DARS1: variants seen among roughly 807,000 people sequenced by gnomAD.
DARS1 encodes aspartate--tRNA ligase, cytoplasmic.
Under a neutral mutation model 68.8 loss-of-function variants are expected in DARS1, and 51 were observed. That is an observed-to-expected ratio of 0.74 (90% confidence interval 0.59 to 0.94). The LOEUF (loss-of-function observed/expected upper bound fraction) is 0.94, where lower values mean the gene tolerates loss of function less well. Among genes scored for constraint, DARS1 ranks in the 40% least tolerant of loss-of-function variants. DARS1 has a pLI of 0.00. For missense variants in DARS1, 607 were observed against 597.3 expected (o/e 1.02, Z -0.17); for synonymous variants, 203 against 190.4 (o/e 1.07, Z -0.55).
At chr2:135,928,831 G>T (rs1309362318) in intron 7 of DARS1, among the ~76,000 whole-genome samples, 1 of 151,822 alleles carries the variant, frequency 6.6e-6, no homozygotes, top group Non-Finnish European at 1.5e-5. Flanking sequence ...TAAAGACGGG[G>T]TTTCACCATG....
chr2:135,920,967 C>A (rs949632550), intron 9 of DARS1, among the ~76,000 whole-genome samples: 2 of 151,472 alleles, frequency 1.3e-5, no homozygotes, highest in African/African-American at 4.8e-5. Context: ...TGAAACTCTA[C>A]CAATAAAGTA....
intron 3 of DARS1, among the ~76,000 whole-genome samples, chr2:135,976,528 A>G (rs1400626239): frequency 6.6e-6 from 1 of 152,148 alleles, no homozygotes; most frequent in Non-Finnish European, 1.5e-5. Flanking sequence ...ATCATCAATA[A>G]AGTCCTTACA....
chr2:135,959,100 G>A (rs1682041152), intron 4 of DARS1, among the ~76,000 whole-genome samples: 1 of 151,804 alleles, frequency 6.6e-6, no homozygotes. Flanking sequence ...CTAAAAGAAA[G>A]ATCACCCATG....
At chr2:135,928,132 C>T (rs148791255) in intron 7 of DARS1, among the ~76,000 whole-genome samples, 16 of 152,244 alleles carry the variant, frequency 1.1e-4, no homozygotes, top group Middle Eastern at 3.4e-3. Context: ...AAATTACTTC[C>T]ATGTTGTATT....
At chr2:135,976,277 A>G (rs1176262267) in intron 3 of DARS1, among the ~76,000 whole-genome samples, 1 of 152,148 alleles carries the variant, frequency 6.6e-6, no homozygotes, top group Non-Finnish European at 1.5e-5. Context: ...TTTCTGCTTT[A>G]TTCTTTAGTT....
intron 4 of DARS1, among the ~76,000 whole-genome samples, chr2:135,946,090 G>C (rs915421881): frequency 6.6e-6 from 1 of 152,140 alleles, no homozygotes; most frequent in African/African-American, 2.4e-5. Flanking sequence ...AAAAGGGTCA[G>C]ACTATCCGAG....
At chr2:135,940,783 CCTT>C (rs770023202) in intron 5 of DARS1, among the ~76,000 whole-genome samples, 33 of 152,288 alleles carry the variant, frequency 2.2e-4, no homozygotes, top group Non-Finnish European at 4.3e-4. Flanking sequence ...GCCAAAACCT[CCTT>C]AAGCTGATAC....
At chr2:135,924,616 A>G (rs1200040188) in intron 7 of DARS1, 118 bp from the exon 8 acceptor site, 3 of 1,408,834 alleles carry the variant, frequency 2.1e-6, no homozygotes, top group African/African-American at 1.5e-5. Context: ...TTAAATTCTA[A>G]TAATTGGAGA....
intron 3 of DARS1, among the ~76,000 whole-genome samples, chr2:135,974,707 T>C (rs1340189475): frequency 6.6e-6 from 1 of 152,172 alleles, no homozygotes; most frequent in Non-Finnish European, 1.5e-5. Context: ...GAGAACCTAC[T>C]AGTATTGCAA....
intron 6 of DARS1, 100 bp from the exon 7 acceptor site, chr2:135,932,942 G>C (rs1681385133): frequency 1.5e-6 from 1 of 656,402 alleles, no homozygotes; most frequent in African/African-American, 1.8e-5. Flanking sequence ...TAATTGAGTA[G>C]GATGTGTGTA....
In DARS1 at chr2:135,906,275, A is replaced by C. The variant is rs548056858; in HGVS notation, c.*1041T>G. Among the ~76,000 whole-genome samples, 1 of 152,144 alleles carries C rather than the reference A, an allele frequency of 6.6e-6. No individual in the cohort carries two copies. Among genetic ancestry groups the C allele is most frequent in the South Asian group, 2.1e-4 (1 of 4,812 alleles). On this transcript the variant is annotated 3_prime_UTR_variant, in exon 16 of 16. Transcript: ENST00000264161. ...ATATGTTATGTTTTGTTCCTCCCCA[A>C]TATTTGTGGTCATGTAAAATTAACA...
chr2:135,954,600 G>A (rs572033365), intron 4 of DARS1, among the ~76,000 whole-genome samples: 159 of 152,214 alleles, frequency 1.0e-3, no homozygotes, highest in Non-Finnish European at 4.3e-4. Flanking sequence ...CAGAGAAGAG[G>A]CATCCAAATA....
At chr2:135,978,441 G>A (rs1265937718) in intron 3 of DARS1, among the ~76,000 whole-genome samples, 3 of 152,170 alleles carry the variant, frequency 2.0e-5, no homozygotes, top group Non-Finnish European at 2.9e-5. Flanking sequence ...CATTCTGAAC[G>A]TGTTTCCTCA....
At chr2:135,970,645 T>C (rs1682348947) in intron 3 of DARS1, among the ~76,000 whole-genome samples, 1 of 151,490 alleles carries the variant, frequency 6.6e-6, no homozygotes, top group Non-Finnish European at 1.5e-5. Context: ...AAGGAAACAA[T>C]ATAAAAGATC....
At position 135,983,458 on chromosome 2, in the gene DARS1, C is replaced by CA; in HGVS notation, c.67-5dup. On this transcript the variant is annotated splice_region_variant and splice_polypyrimidine_tract_variant and intron_variant, in intron 1 of 15. Transcript: ENST00000264161. ...CATATCTCTCTTTAGCATAATCCTA[C>CA]AAAAAAAGTTTTTTGCATCGTGACT... 1.7e-5 allele frequency: 19 copies of CA among 1,109,790 alleles called. No individual in the cohort carries two copies. Among genetic ancestry groups the CA allele is most frequent in the South Asian group, 2.7e-5 (2 of 73,904 alleles). 68.7% of individuals were successfully genotyped at this position (1,109,790 alleles called of 1,614,324 possible).
At chr2:135,952,727 T>A (rs1204163422) in intron 4 of DARS1, among the ~76,000 whole-genome samples, 2 of 152,230 alleles carry the variant, frequency 1.3e-5, no homozygotes, top group Non-Finnish European at 2.9e-5. Context: ...TATGGCTGAA[T>A]AGTATTCCAG....
rs781770098 is a variant in DARS1 at position 135,943,456 on chromosome 2, A to G, written c.345T>C (p.Asp115=). ...TCACTTTTCTCACAACACCTTCTAC[A>G]TCCACAATGCTCTCTTTGTTGATGC... ...AANINKESIV[D]VEGVVRKVNQ... is the part of the protein sequence containing the mutation. Residue 115 remains aspartate (D), a synonymous_variant, in exon 5 of 16, where the codon GAT becomes GAC. Coordinates refer to ENST00000264161, the MANE Select transcript of DARS1 (RefSeq NM_001349.4). 3 of 1,613,600 alleles carry G rather than the reference A, an allele frequency of 1.9e-6. No individual in the cohort carries two copies. In the South Asian group the frequency reaches 3.3e-5, roughly 18 times the overall value.
chr2:135,960,176 A>G (rs1198095896), intron 4 of DARS1, among the ~76,000 whole-genome samples: 1 of 152,190 alleles, frequency 6.6e-6, no homozygotes, highest in African/African-American at 2.4e-5. Context: ...ACGTAGAAGA[A>G]AAGTGGTCAT....
At chr2:135,957,405 T>G (rs181427022) in intron 4 of DARS1, among the ~76,000 whole-genome samples, 21 of 152,168 alleles carry the variant, frequency 1.4e-4, no homozygotes, top group Admixed American at 2.0e-4. Flanking sequence ...TTTTTTGTAT[T>G]TTTAGTAGAG....
Sources: gnomAD v4.1 joint callset for allele counts (sites outside exome capture counted in the v4.1 genomes callset) on GRCh38, gnomAD v4.1.1 for gene constraint, MANE v1.5 for transcripts, NCBI Gene and HGNC (gene_info 2026-07-23, HGNC 2026-07-21) for gene names.